HHIPL2: variants seen among roughly 807,000 people sequenced by gnomAD.
HHIPL2 encodes HHIP like 2.
HHIPL2 carries 61 observed loss-of-function variants against 61.0 expected under a neutral mutation model. The ratio of observed to expected loss-of-function variants is 1.00; its 90% confidence interval spans 0.81 to 1.24. The LOEUF is 1.24. Ranked by LOEUF, HHIPL2 falls within the 50% of genes most tolerant of loss-of-function variation. The pLI, the probability that HHIPL2 is intolerant of heterozygous loss-of-function variation, is 0.00. For missense variants in HHIPL2, 885 were observed against 910.2 expected, an observed-to-expected ratio of 0.97 and a Z score of 0.36; for synonymous variants, 343 against 357.4, an observed-to-expected ratio of 0.96 and a Z score of 0.45.
At chr1:222,546,161 C>T (rs527499217) in intron 1 of HHIPL2, among the ~76,000 whole-genome samples, 2 of 152,344 alleles carry the variant, frequency 1.3e-5, no homozygotes, top group South Asian at 4.1e-4. Context: ...GAGCGAAATG[C>T]ACAAAGTCTC....
At position 222,523,661 on chromosome 1, in the gene HHIPL2, T is replaced by G. The variant is rs751017183; in HGVS notation, c.1839A>C (p.Pro613=). The part of the protein sequence containing the change: ...RAPPGKCKYK[P]VPVRTKSKRI... ...GCTTACTCTTGGTTCTCACGGGCAC[T>G]GGCTTGTATTTGCACTTGCCTGGGG... Residue 613 remains proline (P), a synonymous_variant, in exon 8 of 9, where the codon CCA becomes CCC. Coordinates refer to ENST00000343410, the MANE Select transcript of HHIPL2 (RefSeq NM_024746.4). The G allele has an allele frequency of 1.9e-6, 3 of 1,614,200 alleles. No homozygotes were observed. Among genetic ancestry groups the G allele is most frequent in the Non-Finnish European group, 2.5e-6 (3 of 1,180,030 alleles).
In HHIPL2 at chr1:222,527,071, A is replaced by G. The variant is rs778205735; in HGVS notation, c.1724-21T>C. On this transcript the variant is annotated intron_variant, in intron 6 of 8. Coordinates refer to ENST00000343410, the MANE Select transcript of HHIPL2 (RefSeq NM_024746.4). ...CTCCCCTAAGGCAACAAAAATAGAC[A>G]GGCAATAATGGGACATCAGGCAGCA... The G allele has an allele frequency of 5.0e-6, 8 of 1,585,242 alleles. No homozygotes were observed. The South Asian group carries it at 6.7e-5, about 13-fold the overall frequency.
rs767862553 is a variant in HHIPL2 at position 222,543,590 on chromosome 1, A to G, written c.921T>C (p.Ser307=). 2 of 1,613,944 alleles carry G rather than the reference A, an allele frequency of 1.2e-6. No individual in the cohort carries two copies. ...GATCAGCCCGAGAAACCTTCATCTC[A>G]CTAATTCGGATCTTTTCTACCTTCT... ...DKKKVEKIRI[S]EMKVSRADPN... The change falls in exon 2 of 9, where the codon AGT becomes AGC. Residue 307 remains serine (S), a synonymous_variant. Transcript: ENST00000343410.
At chr1:222,538,531 T>C in intron 5 of HHIPL2, 117 bp downstream of exon 5, 1 of 949,630 alleles carries the variant, frequency 1.1e-6, no homozygotes, top group Non-Finnish European at 1.6e-6. Flanking sequence ...AGTGCATACA[T>C]TTGTAAAACA....
intron 1 of HHIPL2, 57 bp from the exon 2 acceptor site, chr1:222,544,246 C>G: frequency 6.5e-7 from 1 of 1,535,370 alleles, no homozygotes. Context: ...CGGCACTTGT[C>G]TCAAGTTTTG....
chr1:222,544,164 A>G lies in HHIPL2; in HGVS notation c.347T>C (p.Leu116Pro). 6.2e-7 allele frequency: 1 copy of G among 1,613,260 alleles called. No individual in the cohort carries two copies. Among genetic ancestry groups the G allele is most frequent in the South Asian group, 1.1e-5 (1 of 91,080 alleles). The change falls in exon 2 of 9, where the codon CTC becomes CCC. Residue 116 changes from leucine (L) to proline (P), a missense_variant. Transcript: ENST00000343410. ...CQECSPYAAH[L>P]YDAENTQTPL... The stretch of plus-strand genomic sequence containing the variant: ...CGTCTGGGTGTTTTCGGCGTCGTAG[A>G]GGTGGGCTGCGTAGGGCGAGCACTC...
rs1219534003 is a variant in HHIPL2, at chr1:222,544,057, T to C, written c.454A>G (p.Thr152Ala). The C allele has an allele frequency of 1.9e-6, 3 of 1,614,080 alleles. No homozygotes were observed. Among genetic ancestry groups the C allele is most frequent in the Admixed American group, 3.3e-5 (2 of 60,016 alleles). The change falls in exon 2 of 9, where the codon ACC becomes GCC. Residue 152 changes from threonine to alanine, a missense_variant. By Grantham distance (58) the Thr-to-Ala change is moderately conservative (BLOSUM62 0). Transcript: ENST00000343410. Reference protein sequence around the residue: ...SNCHSAISLLTNDRGLQESHG... With the variant: ...SNCHSAISLLANDRGLQESHG... ...GACTCCTGGAGGCCGCGGTCATTGG[T>C]CAGCAGGGAAATGGCTGAGTGACAG...
chr1:222,526,913 A>G (rs1256237731), intron 7 of HHIPL2, 56 bp downstream of exon 7: 1 of 1,419,578 alleles, frequency 7.0e-7, no homozygotes, highest in Non-Finnish European at 9.9e-7. Context: ...ATGGCCTGCC[A>G]TGGAGATAAG....
At chr1:222,525,017 T>C (rs1445978511) in intron 7 of HHIPL2, 1 of 151,984 alleles carries the variant, frequency 6.6e-6, no homozygotes. Flanking sequence ...TCTGTCAGCA[T>C]TAAATGAGAG....
rs141362261 is a variant in HHIPL2, at chr1:222,522,384, C to T, written c.*217G>A. On this transcript the variant is annotated 3_prime_UTR_variant, in exon 9 of 9. Transcript: ENST00000343410. ...GCTTACCATAACCCAGGTGCACCAG[C>T]AATCTGGGATATGGTCTCCCACAGA... 2.0e-4 allele frequency: 116 copies of T among 586,596 alleles called. No homozygotes were observed. Among genetic ancestry groups the T allele is most frequent in the African/African-American group, 1.8e-3 (99 of 54,000 alleles). The allele number at this position is 586,596 out of a possible 1,614,324, so 36.3% of individuals were successfully genotyped here. A position where few individuals can be genotyped will look rare whatever the true frequency, so the allele number is the denominator to read the frequency against.
Position 222,544,298 on chromosome 1 carries a change from G to C in HHIPL2, c.322-109C>G, listed in dbSNP as rs928429158. ...AAATGGTGCTAGGCGGAAAAAATCA[G>C]GATTTTGGAGTTTTTGTTACCAACT... On this transcript the variant is annotated intron_variant, in intron 1 of 8. Transcript: ENST00000343410. 104 of 1,249,332 alleles carry C rather than the reference G, an allele frequency of 8.3e-5. No individual in the cohort carries two copies. The Admixed American group carries it at 2.3e-3, about 28-fold the overall frequency. The allele number at this position is 1,249,332 out of a possible 1,614,324, so 77.4% of individuals were successfully genotyped here. A position where few individuals can be genotyped will look rare whatever the true frequency, so the allele number is the denominator to read the frequency against.
chr1:222,532,490 T>G (rs1280648474), intron 5 of HHIPL2, among the ~76,000 whole-genome samples: 2 of 151,938 alleles, frequency 1.3e-5, no homozygotes, highest in Non-Finnish European at 2.9e-5. Context: ...GGTGCACACC[T>G]ATAGTCCCAG....
intron 7 of HHIPL2, 135 bp from the exon 8 acceptor site, chr1:222,523,829 C>T (rs562233534): frequency 1.3e-6 from 1 of 752,402 alleles, no homozygotes; most frequent in Admixed American, 2.1e-5. Flanking sequence ...GTAGATGTAA[C>T]AGGAAATATG....
chr1:222,536,259 T>A (rs1253559602), intron 5 of HHIPL2, among the ~76,000 whole-genome samples: 1 of 151,712 alleles, frequency 6.6e-6, no homozygotes, highest in African/African-American at 2.4e-5. Context: ...CAGACTGATT[T>A]AAAAAAAAGA....
chr1:222,537,531 T>C (rs1386413115), intron 5 of HHIPL2, among the ~76,000 whole-genome samples: 3 of 150,474 alleles, frequency 2.0e-5, no homozygotes, highest in Non-Finnish European at 4.4e-5. Flanking sequence ...CTCAGGAGGC[T>C]GAGGCAGGAG....
chr1:222,536,328 T>C (rs1659302511), intron 5 of HHIPL2, among the ~76,000 whole-genome samples: 1 of 152,022 alleles, frequency 6.6e-6, no homozygotes, highest in South Asian at 2.1e-4. Context: ...ATAGTTTCTA[T>C]AGATATTAAA....
chr1:222,542,505 G>A (rs947443748), intron 2 of HHIPL2, among the ~76,000 whole-genome samples: 2 of 142,248 alleles, frequency 1.4e-5, no homozygotes, highest in African/African-American at 5.2e-5. Context: ...GAGTAGCTGG[G>A]ATTACCACCC....
chr1:222,541,874 C>A, intron 3 of HHIPL2, 138 bp downstream of exon 3: 2 of 833,216 alleles, frequency 2.4e-6, no homozygotes, highest in Non-Finnish European at 3.6e-6. Flanking sequence ...GAACAGAAAA[C>A]CAAATGTTCC....
rs759356683 is a variant in HHIPL2 at position 222,540,309 on chromosome 1, T to C, written c.1151A>G (p.Asp384Gly). The change falls in exon 4 of 9, where the codon GAT (aspartate) becomes GGT (glycine). Residue 384 changes from aspartate (D) to glycine (G), a missense_variant. Transcript: ENST00000343410. The part of the protein sequence containing the change: ...SSLLGKVLRI[D>G]VNRAGSHGKR... ...GCCATGTGAGCCTGCCCTGTTCACA[T>C]CGATCCTTAAAACTTTTCCCAGCAG... 21 of 1,611,400 alleles carry C rather than the reference T, an allele frequency of 1.3e-5. No individual in the cohort carries two copies. In the African/African-American group the frequency reaches 2.8e-4, roughly 22 times the overall value.
Sources: allele counts gnomAD v4.1 joint callset (sites outside exome capture counted in the v4.1 genomes callset), GRCh38; gene constraint gnomAD v4.1.1; transcripts MANE v1.5; gene names NCBI Gene and HGNC (gene_info 2026-07-23, HGNC 2026-07-21).